ZNF385B: variants seen among roughly 807,000 people sequenced by gnomAD.
ZNF385B encodes the protein zinc finger protein 385B.
In ZNF385B, 23 loss-of-function variants were observed where a neutral mutation model predicts 39.2. That is an observed-to-expected ratio of 0.59 (90% CI 0.42 to 0.83). ZNF385B has a LOEUF of 0.83. ZNF385B is among the 40% of genes least tolerant of loss of function. ZNF385B has a pLI of 0.00. For synonymous variants in ZNF385B, 205 were observed against 222.6 expected (o/e 0.92, Z 0.70); for missense variants, 552 against 598.9 (o/e 0.92, Z 0.82).
chr2:179,718,571 C>T (rs931286082), intron 3 of ZNF385B, among the ~76,000 whole-genome samples: 1 of 148,992 alleles, frequency 6.7e-6, no homozygotes, highest in Non-Finnish European at 1.5e-5. Context: ...TAGGACGATT[C>T]TAACATCTGT....
intron 3 of ZNF385B, among the ~76,000 whole-genome samples, chr2:179,559,642 G>GT (rs1553608081): frequency 3.4e-4 from 52 of 151,368 alleles, no homozygotes; most frequent in African/African-American, 1.1e-3. Flanking sequence ...TGACTGTCGG[G>GT]TTTTTTTTAA....
At chr2:179,599,890 A>C (rs369001994) in intron 3 of ZNF385B, among the ~76,000 whole-genome samples, 5 of 152,212 alleles carry the variant, frequency 3.3e-5, no homozygotes, top group Non-Finnish European at 7.3e-5. Context: ...TGAGGCGTAA[A>C]CACCCTTCCC....
At chr2:179,624,596 A>T (rs1690496087) in intron 3 of ZNF385B, among the ~76,000 whole-genome samples, 1 of 152,192 alleles carries the variant, frequency 6.6e-6, no homozygotes, top group African/African-American at 2.4e-5. Flanking sequence ...AGAAGAGATA[A>T]AGCAAAATAC....
At chr2:179,552,162 A>G (rs2060616235) in intron 3 of ZNF385B, among the ~76,000 whole-genome samples, 1 of 149,404 alleles carries the variant, frequency 6.7e-6, no homozygotes, top group Non-Finnish European at 1.5e-5. Context: ...TTAAGGACAG[A>G]TGACACCTGA....
chr2:179,666,851 T>C (rs577265867), intron 3 of ZNF385B, among the ~76,000 whole-genome samples: 1 of 152,308 alleles, frequency 6.6e-6, no homozygotes, highest in African/African-American at 2.4e-5. Flanking sequence ...AGGGCTAATC[T>C]ACAAAATGTA....
At chr2:179,494,093 C>T (rs1013767466) in intron 5 of ZNF385B, among the ~76,000 whole-genome samples, 2 of 151,856 alleles carry the variant, frequency 1.3e-5, no homozygotes, top group Non-Finnish European at 2.9e-5. Flanking sequence ...AAGGGGTAGA[C>T]TATGGTGTAA....
At chr2:179,746,537 C>G (rs1398874908) in intron 3 of ZNF385B, among the ~76,000 whole-genome samples, 1 of 151,982 alleles carries the variant, frequency 6.6e-6, no homozygotes, top group Non-Finnish European at 1.5e-5. Context: ...GACAAAATAC[C>G]ATCAATTTTA....
intron 1 of ZNF385B, among the ~76,000 whole-genome samples, chr2:179,771,892 C>T (rs1330733929): frequency 2.0e-5 from 3 of 152,084 alleles, no homozygotes; most frequent in African/African-American, 4.8e-5. Context: ...CCTTGCAGAA[C>T]GAGGCCAGGC....
chr2:179,488,896 C>T (rs980450968), intron 5 of ZNF385B, among the ~76,000 whole-genome samples: 2 of 152,078 alleles, frequency 1.3e-5, no homozygotes, highest in African/African-American at 2.4e-5. Context: ...TATTTAGTAC[C>T]TGCCATGGGC....
intron 3 of ZNF385B, among the ~76,000 whole-genome samples, chr2:179,633,608 C>A (rs1691447872): frequency 6.6e-6 from 1 of 152,126 alleles, no homozygotes. Flanking sequence ...ACTGAATGGG[C>A]AAAACCAGGA....
At chr2:179,807,024 T>C (rs1322260760) in intron 1 of ZNF385B, among the ~76,000 whole-genome samples, 3 of 152,206 alleles carry the variant, frequency 2.0e-5, no homozygotes, top group African/African-American at 7.2e-5. Context: ...ATTCGGAAGA[T>C]ATGTATTCTT....
intron 1 of ZNF385B, among the ~76,000 whole-genome samples, chr2:179,786,274 T>C (rs7589885): frequency 0.36 from 54,743 of 151,986 alleles, 9,939 homozygotes; most frequent in Middle Eastern, 0.5. Flanking sequence ...ATTTATACTG[T>C]GGTGGTCTGG....
chr2:179,861,061 G>T (rs1559260232), intron 1 of ZNF385B, 40 bp downstream of exon 1: 1 of 162,902 alleles, frequency 6.1e-6, no homozygotes, highest in African/African-American at 2.4e-5. Context: ...AGGGCGCCCA[G>T]TCCGGGGGCG....
In ZNF385B at chr2:179,576,267, T is replaced by C. The variant is rs577239097; in HGVS notation, c.299-31298A>G. The C allele has an allele frequency of 1.9e-4, 151 of 800,946 alleles. 1 individual carries two copies. The African/African-American group carries it at 2.5e-3, about 13-fold the overall frequency. 49.6% of individuals were successfully genotyped at this position (800,946 alleles called of 1,614,324 possible). ...CCCATGCCGCTGCCAGATCAACGTA[T>C]CTAAAAATCAAAAGTGAACCACATT... On this transcript the variant is annotated intron_variant, in intron 3 of 9. Coordinates refer to ENST00000410066, the MANE Select transcript of ZNF385B (RefSeq NM_152520.6).
At chr2:179,849,394 C>A (rs982982936) in intron 1 of ZNF385B, among the ~76,000 whole-genome samples, 6 of 152,184 alleles carry the variant, frequency 3.9e-5, no homozygotes, top group Non-Finnish European at 7.3e-5. Context: ...AGGAGGATTC[C>A]TCCTCAACCT....
intron 3 of ZNF385B, among the ~76,000 whole-genome samples, chr2:179,683,116 G>A (rs555684628): frequency 4.6e-5 from 7 of 152,214 alleles, no homozygotes; most frequent in East Asian, 3.9e-4. Flanking sequence ...GCCAGGCGCC[G>A]GTGGCTCACA....
At chr2:179,786,630 G>A (rs1389860241) in intron 1 of ZNF385B, among the ~76,000 whole-genome samples, 8 of 151,494 alleles carry the variant, frequency 5.3e-5, no homozygotes, top group Non-Finnish European at 1.2e-4. Context: ...GAGGCTTAGG[G>A]ACCACCTAAA....
At chr2:179,577,821 C>G (rs1468316063) in intron 3 of ZNF385B, among the ~76,000 whole-genome samples, 1 of 151,656 alleles carries the variant, frequency 6.6e-6, no homozygotes, top group Non-Finnish European at 1.5e-5. Context: ...ATACTGATGA[C>G]TATGAATAAG....
intron 3 of ZNF385B, among the ~76,000 whole-genome samples, chr2:179,751,333 T>C (rs1171638615): frequency 2.0e-5 from 3 of 152,132 alleles, no homozygotes; most frequent in African/African-American, 7.2e-5. Flanking sequence ...AGAATATTGA[T>C]GTGGGCAAGG....
Sources: allele counts gnomAD v4.1 joint callset (sites outside exome capture counted in the v4.1 genomes callset), GRCh38; gene constraint gnomAD v4.1.1; transcripts MANE v1.5; gene names NCBI Gene and HGNC (gene_info 2026-07-23, HGNC 2026-07-21).